Variants in CNTNAP5 observed in about 807,000 individuals in gnomAD.
CNTNAP5 encodes contactin associated protein family member 5.
In CNTNAP5, 72 loss-of-function variants were observed where a neutral mutation model predicts 150.2. The observed-to-expected ratio is 0.48, with a 90% CI of 0.40 to 0.58. The LOEUF is 0.58. Ranked by LOEUF, CNTNAP5 falls within the 20% of genes least tolerant of loss-of-function variation. The pLI, the probability that CNTNAP5 is intolerant of heterozygous loss-of-function variation, is 0.00. For synonymous variants in CNTNAP5, 672 were observed against 619.8 expected, an observed-to-expected ratio of 1.08 and a Z score of -1.25; for missense variants, 1,636 against 1,626.2, an observed-to-expected ratio of 1.01 and a Z score of -0.10.
At position 124,280,571 on chromosome 2, in the gene CNTNAP5, G is replaced by A. The variant is rs184518775; in HGVS notation, c.381+38178G>A. On this transcript the variant is annotated intron_variant, in intron 3 of 23. Transcript: ENST00000682447. ...TTGCTGACATTTTGGTGACAATGGC[G>A]AGTGATTTCAGCACCAAAGGGAGAC... is the stretch of plus-strand genomic sequence containing the variant. 1.9e-3 allele frequency among the ~76,000 whole-genome samples: 293 copies of A among 152,154 alleles called. 2 individuals are homozygous for A. Among genetic ancestry groups the A allele is most frequent in the African/African-American group, 6.6e-3 (276 of 41,534 alleles).
chr2:124,849,333 T>G (rs1295096315), intron 19 of CNTNAP5, among the ~76,000 whole-genome samples: 2 of 152,190 alleles, frequency 1.3e-5, no homozygotes, highest in Non-Finnish European at 2.9e-5. Context: ...CTTTAGTCTA[T>G]GTGTCTGTTT....
chr2:124,119,192 A>G (rs1204872789), intron 1 of CNTNAP5, among the ~76,000 whole-genome samples: 3 of 150,832 alleles, frequency 2.0e-5, no homozygotes, highest in East Asian at 3.9e-4. Context: ...GAACTTCCCC[A>G]CTCACTCTCA....
Position 124,902,768 on chromosome 2 carries a change from C to G in CNTNAP5, c.3437-114C>G, listed in dbSNP as rs1678439497. The stretch of plus-strand genomic sequence containing the variant: ...TAGATAGGGGAGGGTTTTCTTTACT[C>G]AAACAATAACAAGGTAATTTCTGTA... On this transcript the variant is annotated intron_variant, in intron 21 of 23. Coordinates refer to ENST00000682447, the MANE Select transcript of CNTNAP5 (RefSeq NM_001367498.1). 5 of 673,094 alleles carry G rather than the reference C, an allele frequency of 7.4e-6. No homozygotes were observed. The South Asian group carries it at 7.5e-5, about 10-fold the overall frequency. The allele number at this position is 673,094 out of a possible 1,614,324, so 41.7% of individuals were successfully genotyped here. A position where few individuals can be genotyped will look rare whatever the true frequency, so the allele number is the denominator to read the frequency against.
chr2:124,025,407 C>A lies in CNTNAP5; in HGVS notation c.-244C>A, dbSNP rs1680851955. The stretch of plus-strand genomic sequence containing the variant: ...GGGGGGAAGAGAAGGAAGAGGCGGG[C>A]GAGGAAGGCGAGTCCAGCTAGCGGC... On this transcript the variant is annotated 5_prime_UTR_variant, in exon 1 of 24. Transcript: ENST00000682447. The A allele has an allele frequency of 9.0e-6, 5 of 556,046 alleles. No homozygotes were observed. Among genetic ancestry groups the A allele is most frequent in the South Asian group, 8.4e-5 (4 of 47,626 alleles). The allele number at this position is 556,046 out of a possible 1,614,324, so 34.4% of individuals were successfully genotyped here.
At chr2:124,791,157 A>G (rs1279700166) in intron 18 of CNTNAP5, among the ~76,000 whole-genome samples, 1 of 152,208 alleles carries the variant, frequency 6.6e-6, no homozygotes, top group Non-Finnish European at 1.5e-5. Context: ...TATTTAGTCC[A>G]GCTTGCTACT....
At chr2:124,730,603 C>T (rs143709943) in intron 13 of CNTNAP5, among the ~76,000 whole-genome samples, 27 of 152,012 alleles carry the variant, frequency 1.8e-4, no homozygotes, top group African/African-American at 6.5e-4. Flanking sequence ...TAGAAAATAA[C>T]TTTATTTTGA....
At chr2:124,216,387 T>G (rs1686155560) in intron 1 of CNTNAP5, among the ~76,000 whole-genome samples, 1 of 152,194 alleles carries the variant, frequency 6.6e-6, no homozygotes, top group Non-Finnish European at 1.5e-5. Context: ...AAAAATTCTT[T>G]TTTTTAAAAT....
chr2:124,125,584 C>T (rs1260171194), intron 1 of CNTNAP5, among the ~76,000 whole-genome samples: 1 of 152,190 alleles, frequency 6.6e-6, no homozygotes, highest in Admixed American at 6.5e-5. Context: ...CTACAGAACT[C>T]TCCACCCCAA....
intron 13 of CNTNAP5, among the ~76,000 whole-genome samples, chr2:124,692,084 A>G: frequency 6.6e-6 from 1 of 152,130 alleles, no homozygotes; most frequent in African/African-American, 2.4e-5. Context: ...CAAAGAAAGG[A>G]TGAAAAAGTT....
intron 13 of CNTNAP5, among the ~76,000 whole-genome samples, chr2:124,689,284 T>A (rs4848258): frequency 0.56 from 84,948 of 152,030 alleles, 24,635 homozygotes; most frequent in African/African-American, 0.64. Context: ...TTTAAACAAA[T>A]TAACCATTAT....
chr2:124,032,384 G>T (rs1262212918), intron 1 of CNTNAP5, among the ~76,000 whole-genome samples: 1 of 152,116 alleles, frequency 6.6e-6, no homozygotes, highest in Admixed American at 6.5e-5. Context: ...TTCATTGAAT[G>T]TTTTTATACA....
In CNTNAP5 at chr2:124,295,552, G is replaced by A. The variant is rs190268207; in HGVS notation, c.381+53159G>A. Among the ~76,000 whole-genome samples the A allele has an allele frequency of 8.7e-4, 132 of 152,194 alleles. 2 individuals carry two copies. The highest frequency in any genetic ancestry group is 1.5e-3 in the Non-Finnish European group (105 of 67,998). ...CAAAATTGAGTGTGGATCTTCTTCT[G>A]TCTGTGTATTTATAGATGTTGTTTC... On this transcript the variant is annotated intron_variant, in intron 3 of 23. Transcript: ENST00000682447.
chr2:124,060,423 C>T (rs1405246068), intron 1 of CNTNAP5, among the ~76,000 whole-genome samples: 1 of 152,212 alleles, frequency 6.6e-6, no homozygotes, highest in South Asian at 2.1e-4. Flanking sequence ...TGGGCAGCTC[C>T]TCTGTAATTC....
chr2:124,423,640 C>CCGGCTAAT (rs1692166974), intron 4 of CNTNAP5, among the ~76,000 whole-genome samples: 1 of 138,580 alleles, frequency 7.2e-6, no homozygotes, highest in Non-Finnish European at 1.5e-5. Flanking sequence ...GCCACTGCGC[C>CCGGCTAAT]CGGCTAATTA....
chr2:124,036,848 T>C (rs897428629), intron 1 of CNTNAP5, among the ~76,000 whole-genome samples: 4 of 152,176 alleles, frequency 2.6e-5, no homozygotes, highest in African/African-American at 4.8e-5. Flanking sequence ...TATATAGCTA[T>C]AGGTGGTCAC....
intron 6 of CNTNAP5, among the ~76,000 whole-genome samples, chr2:124,447,998 G>A (rs898845629): frequency 3.3e-5 from 5 of 152,136 alleles, no homozygotes; most frequent in African/African-American, 1.2e-4. Flanking sequence ...GCTGGGCATG[G>A]TGGCTCACAC....
At chr2:124,109,434 C>G in intron 1 of CNTNAP5, among the ~76,000 whole-genome samples, 1 of 152,236 alleles carries the variant, frequency 6.6e-6, no homozygotes, top group East Asian at 1.9e-4. Flanking sequence ...AGAGCTGTCC[C>G]TTGCCAGGCT....
intron 3 of CNTNAP5, among the ~76,000 whole-genome samples, chr2:124,279,403 G>C (rs1377959066): frequency 6.6e-6 from 1 of 151,934 alleles, no homozygotes; most frequent in African/African-American, 2.4e-5. Flanking sequence ...GAAAACAGAG[G>C]AACCACCCAG....
rs572243612 is a variant in CNTNAP5 at position 124,065,745 on chromosome 2, A to T, written c.82+40013A>T. 2.9e-4 allele frequency among the ~76,000 whole-genome samples: 44 copies of T among 152,320 alleles called. 2 individuals carry two copies. Among genetic ancestry groups the T allele is most frequent in the Admixed American group, 6.5e-5 (1 of 15,282 alleles). ...TAGGAATTCAAGTGCTGAGCAATGT[A>T]GCCACCTCCTCTCATGGTTGGTGTT... On this transcript the variant is annotated intron_variant, in intron 1 of 23. Transcript: ENST00000682447.
Sources: gnomAD v4.1 joint callset for allele counts (sites outside exome capture counted in the v4.1 genomes callset) on GRCh38, gnomAD v4.1.1 for gene constraint, MANE v1.5 for transcripts, NCBI Gene and HGNC (gene_info 2026-07-23, HGNC 2026-07-21) for gene names.